KCNIP4: variants seen among roughly 807,000 people sequenced by gnomAD.
KCNIP4 encodes the protein potassium voltage-gated channel interacting protein 4.
In KCNIP4, 12 loss-of-function variants were observed where a neutral mutation model predicts 34.0. The ratio of observed to expected loss-of-function variants is 0.35; its 90% CI spans 0.23 to 0.57. The LOEUF is 0.57. Among genes scored for constraint, KCNIP4 ranks in the 20% least tolerant of loss-of-function variants. KCNIP4 has a pLI of 0.83. For missense variants in KCNIP4, 238 were observed against 311.7 expected, an observed-to-expected ratio of 0.76 and a Z score of 1.78; for synonymous variants, 124 against 102.2, an observed-to-expected ratio of 1.21 and a Z score of -1.29.
At chr4:21,045,721 C>A (rs1362254884) in intron 1 of KCNIP4, among the ~76,000 whole-genome samples, 1 of 152,046 alleles carries the variant, frequency 6.6e-6, no homozygotes, top group Non-Finnish European at 1.5e-5. Flanking sequence ...AAAATTGAAT[C>A]ATGGAAAAAT....
At position 20,784,289 on chromosome 4, in the gene KCNIP4, GAATGTTA is replaced by G. The variant is rs534943773; in HGVS notation, c.289-25406_289-25400del. ...TTAATATAAGGCAAACTGAGGCAAA[GAATGTTA>G]AATGTTCTTCACAGAACAAGAGGAG... On this transcript the variant is annotated intron_variant, in intron 3 of 8. Coordinates refer to ENST00000382152, the MANE Select transcript of KCNIP4 (RefSeq NM_025221.6). Among the ~76,000 whole-genome samples the G allele has an allele frequency of 5.1e-4, 78 of 152,258 alleles. 1 individual carries two copies. In the South Asian group the frequency reaches 7.7e-3, roughly 15 times the overall value.
chr4:20,814,718 A>G (rs1395676961), intron 3 of KCNIP4, among the ~76,000 whole-genome samples: 1 of 152,132 alleles, frequency 6.6e-6, no homozygotes, highest in Non-Finnish European at 1.5e-5. Flanking sequence ...ATTGGCCAAT[A>G]AGCTTTGCTT....
At chr4:21,603,424 G>C (rs1743375334) in intron 1 of KCNIP4, among the ~76,000 whole-genome samples, 1 of 152,114 alleles carries the variant, frequency 6.6e-6, no homozygotes, top group South Asian at 2.1e-4. Context: ...AGGAAATAGA[G>C]AAAGAATGTA....
intron 1 of KCNIP4, among the ~76,000 whole-genome samples, chr4:21,112,402 T>C (rs1191032535): frequency 6.6e-6 from 1 of 152,194 alleles, no homozygotes; most frequent in East Asian, 1.9e-4. Flanking sequence ...CCCCACTTTG[T>C]ATGCGGATGG....
chr4:20,848,306 G>A (rs1720613973), intron 3 of KCNIP4, among the ~76,000 whole-genome samples: 1 of 151,746 alleles, frequency 6.6e-6, no homozygotes, highest in African/African-American at 2.4e-5. Context: ...AGGAGGATGG[G>A]GAAGAGCTGA....
chr4:21,655,259 G>C (rs185783998), intron 1 of KCNIP4, among the ~76,000 whole-genome samples: 295 of 152,080 alleles, frequency 1.9e-3, no homozygotes, highest in African/African-American at 6.8e-3. Flanking sequence ...CATATGCCTC[G>C]GTGGCTGAGG....
intron 1 of KCNIP4, among the ~76,000 whole-genome samples, chr4:21,817,028 G>A (rs1337720695): frequency 2.0e-5 from 3 of 152,116 alleles, no homozygotes; most frequent in Non-Finnish European, 4.4e-5. Context: ...ACAGATGTGA[G>A]CTATTATTTT....
At position 20,932,238 on chromosome 4, in the gene KCNIP4, AAT is replaced by A. The variant is rs572534414; in HGVS notation, c.62-49531_62-49530del. ...ATAAGAGTCTAATATTGTAGACTAT[AAT>A]AGTCTATAACAGTCTAATATTGTAG... On this transcript the variant is annotated intron_variant, in intron 1 of 8. Transcript: ENST00000382152. Among the ~76,000 whole-genome samples the A allele has an allele frequency of 5.2e-3, 509 of 97,912 alleles. 12 individuals are homozygous for A. The highest frequency in any genetic ancestry group is 0.023 in the African/African-American group (479 of 20,900). The allele number at this position is 97,912 out of a possible 152,430, so 64.2% of individuals were successfully genotyped here. A position where few individuals can be genotyped will look rare whatever the true frequency, so the allele number is the denominator to read the frequency against.
At chr4:21,606,356 G>A (rs1285660498) in intron 1 of KCNIP4, among the ~76,000 whole-genome samples, 2 of 152,126 alleles carry the variant, frequency 1.3e-5, no homozygotes, top group Non-Finnish European at 2.9e-5. Flanking sequence ...GAGAATCCCT[G>A]ATATGATCTG....
chr4:20,759,908 C>G (rs1463097337), intron 3 of KCNIP4, among the ~76,000 whole-genome samples: 1 of 152,102 alleles, frequency 6.6e-6, no homozygotes, highest in African/African-American at 2.4e-5. Context: ...GCTTCCAGGA[C>G]CACCGCGGAT....
At chr4:21,790,326 A>G (rs997619259) in intron 1 of KCNIP4, among the ~76,000 whole-genome samples, 3 of 152,214 alleles carry the variant, frequency 2.0e-5, no homozygotes, top group African/African-American at 7.2e-5. Context: ...AACATATTTC[A>G]TCAATGCTGG....
At chr4:20,897,510 C>T (rs1252003497) in intron 1 of KCNIP4, among the ~76,000 whole-genome samples, 3 of 151,986 alleles carry the variant, frequency 2.0e-5, no homozygotes. Flanking sequence ...CCTGCCCCTC[C>T]CTCCCCCCGC....
In KCNIP4 at chr4:20,826,905, C is replaced by A. The variant is rs551006984; in HGVS notation, c.288+23638G>T. 3.9e-5 allele frequency among the ~76,000 whole-genome samples: 6 copies of A among 152,280 alleles called. No homozygotes were observed. The East Asian group carries it at 9.7e-4, about 25-fold the overall frequency. ...ATTTAATACAGGGGCTAAAGAGAAGCCCCTTCCTCTTGAATAAAGCCTGTG... is the reference window on the plus strand; with the variant it reads ...ATTTAATACAGGGGCTAAAGAGAAGACCCTTCCTCTTGAATAAAGCCTGTG... On this transcript the variant is annotated intron_variant, in intron 3 of 8. Transcript: ENST00000382152.
chr4:21,944,138 A>G (rs1366564065), intron 1 of KCNIP4, among the ~76,000 whole-genome samples: 2 of 152,134 alleles, frequency 1.3e-5, no homozygotes, highest in Non-Finnish European at 2.9e-5. Context: ...CCATCAAAAT[A>G]AGAATCAAAG....
intron 1 of KCNIP4, among the ~76,000 whole-genome samples, chr4:21,406,620 T>G (rs574561417): frequency 4.6e-5 from 7 of 152,328 alleles, no homozygotes; most frequent in Non-Finnish European, 1.0e-4. Context: ...ATGACAATTA[T>G]CTCAAGGAAA....
At chr4:21,369,071 T>C (rs1720078121) in intron 1 of KCNIP4, among the ~76,000 whole-genome samples, 1 of 147,202 alleles carries the variant, frequency 6.8e-6, no homozygotes, top group Non-Finnish European at 1.5e-5. Context: ...ACCTAAATTC[T>C]AGCTCCTGTT....
intron 1 of KCNIP4, among the ~76,000 whole-genome samples, chr4:21,824,115 G>A (rs1471809895): frequency 1.3e-5 from 2 of 152,138 alleles, no homozygotes; most frequent in Non-Finnish European, 2.9e-5. Flanking sequence ...TCATAACAAT[G>A]AGAAAAGCTC....
At chr4:21,877,624 GT>G (rs1726205874) in intron 1 of KCNIP4, among the ~76,000 whole-genome samples, 1 of 152,010 alleles carries the variant, frequency 6.6e-6, no homozygotes. Flanking sequence ...ACTCTCCTTT[GT>G]TCTCTGGCAA....
chr4:21,084,850 T>C (rs1746283360), intron 1 of KCNIP4, among the ~76,000 whole-genome samples: 1 of 151,578 alleles, frequency 6.6e-6, no homozygotes, highest in South Asian at 2.1e-4. Context: ...TCCAAATATA[T>C]GATTCCTCTA....
Sources: gnomAD v4.1 joint callset for allele counts (sites outside exome capture counted in the v4.1 genomes callset) on GRCh38, gnomAD v4.1.1 for gene constraint, MANE v1.5 for transcripts, NCBI Gene and HGNC (gene_info 2026-07-23, HGNC 2026-07-21) for gene names.